Variants in ABTB3 observed in about 807,000 individuals in gnomAD.
The protein encoded by ABTB3 is ankyrin repeat- and BTB/POZ domain-containing protein 3.
the ABTB3 span, among the ~76,000 whole-genome samples, chr12:107,508,726 G>A: frequency 6.6e-6 from 1 of 152,010 alleles, no homozygotes; most frequent in Non-Finnish European, 1.5e-5. Flanking sequence ...GGGATTACAG[G>A]CGTGAGCCAC....
chr12:107,612,211 G>A, the ABTB3 span, among the ~76,000 whole-genome samples: 17 of 152,298 alleles, frequency 1.1e-4, no homozygotes, highest in African/African-American at 3.6e-4. Flanking sequence ...AGAAGCAAGA[G>A]TCATTGGTGC....
At chr12:107,465,832 G>A in the ABTB3 span, among the ~76,000 whole-genome samples, 7 of 152,044 alleles carry the variant, frequency 4.6e-5, no homozygotes, top group South Asian at 6.2e-4. Context: ...ACACAGTCGC[G>A]TGCTCTCTCT....
chr12:107,657,323 T>A, the ABTB3 span, among the ~76,000 whole-genome samples: 1 of 152,160 alleles, frequency 6.6e-6, no homozygotes, highest in Non-Finnish European at 1.5e-5. Flanking sequence ...AGTGGAGGAA[T>A]GGACTCTAAC....
chr12:107,503,146 G>A, the ABTB3 span, among the ~76,000 whole-genome samples: 1 of 152,134 alleles, frequency 6.6e-6, no homozygotes, highest in Non-Finnish European at 1.5e-5. Context: ...GGAAGGAACG[G>A]GTGAGGCAGA....
the ABTB3 span, among the ~76,000 whole-genome samples, chr12:107,621,019 G>A: frequency 1.3e-5 from 2 of 152,136 alleles, no homozygotes; most frequent in African/African-American, 4.8e-5. Flanking sequence ...GGGTCCCCCT[G>A]CCGGGCTGGG....
At chr12:107,541,081 A>T in the ABTB3 span, among the ~76,000 whole-genome samples, 1 of 152,226 alleles carries the variant, frequency 6.6e-6, no homozygotes, top group Admixed American at 6.5e-5. Flanking sequence ...GAGCTCTGTG[A>T]ACCTCATTCC....
the ABTB3 span, among the ~76,000 whole-genome samples, chr12:107,534,882 A>T: frequency 6.6e-6 from 1 of 152,098 alleles, no homozygotes; most frequent in African/African-American, 2.4e-5. Context: ...ATTAACACCA[A>T]TTTTTCTCGA....
At chr12:107,319,308 G>T in the ABTB3 span, 40 of 1,544,334 alleles carry the variant, frequency 2.6e-5, no homozygotes, top group East Asian at 8.8e-4. Flanking sequence ...GTCCCCGGCG[G>T]CCTGCCCAAG....
chr12:107,408,535 A>G, the ABTB3 span, among the ~76,000 whole-genome samples: 1 of 152,220 alleles, frequency 6.6e-6, no homozygotes, highest in Non-Finnish European at 1.5e-5. Flanking sequence ...GCTAACATTT[A>G]TTAAGCACTT....
the ABTB3 span, among the ~76,000 whole-genome samples, chr12:107,458,728 C>A: frequency 6.6e-6 from 1 of 152,136 alleles, no homozygotes; most frequent in Non-Finnish European, 1.5e-5. Flanking sequence ...CAAGGGAAAT[C>A]CAACAGGCTG....
the ABTB3 span, chr12:107,520,484 C>T: frequency 1.2e-6 from 2 of 1,613,422 alleles, no homozygotes; most frequent in Non-Finnish European, 1.7e-6. Context: ...CTTCTGACTG[C>T]AGGGGTGCTG....
At chr12:107,613,209 G>A in the ABTB3 span, among the ~76,000 whole-genome samples, 1 of 152,114 alleles carries the variant, frequency 6.6e-6, no homozygotes, top group Non-Finnish European at 1.5e-5. Flanking sequence ...TTTCTTCTAG[G>A]ATGGGGCAGA....
chr12:107,497,228 C>A, the ABTB3 span, among the ~76,000 whole-genome samples: 1 of 138,014 alleles, frequency 7.2e-6, no homozygotes, highest in Admixed American at 7.2e-5. Flanking sequence ...CCCACCTCTA[C>A]GCTCACCACC....
At chr12:107,436,336 A>G in the ABTB3 span, among the ~76,000 whole-genome samples, 111 of 152,302 alleles carry the variant, frequency 7.3e-4, no homozygotes, top group African/African-American at 2.5e-3. Context: ...GAATCAGGTG[A>G]CAGATGCCTA....
chr12:107,634,881 ATTTC>A, the ABTB3 span: 1 of 154,222 alleles, frequency 6.5e-6, no homozygotes, highest in African/African-American at 2.4e-5. Flanking sequence ...AAAAGGGCTA[ATTTC>A]AGGATAATTC....
the ABTB3 span, among the ~76,000 whole-genome samples, chr12:107,602,018 G>A: frequency 3.3e-5 from 5 of 152,146 alleles, no homozygotes; most frequent in Non-Finnish European, 5.9e-5. Context: ...GAGTTACACT[G>A]GAGTAAAACT....
At chr12:107,404,168 A>G in the ABTB3 span, among the ~76,000 whole-genome samples, 4 of 147,492 alleles carry the variant, frequency 2.7e-5, no homozygotes, top group African/African-American at 1.0e-4. Context: ...AACTCAAAAA[A>G]AAAAAAAAAA....
At chr12:107,494,184 A>T in the ABTB3 span, among the ~76,000 whole-genome samples, 1 of 152,208 alleles carries the variant, frequency 6.6e-6, no homozygotes, top group Non-Finnish European at 1.5e-5. Flanking sequence ...TGAAGAATTC[A>T]TATGAGCATT....
chr12:107,342,260 G>C, the ABTB3 span, among the ~76,000 whole-genome samples: 22 of 151,978 alleles, frequency 1.4e-4, no homozygotes, highest in Admixed American at 7.2e-4. Flanking sequence ...TTTTTGGGGG[G>C]AGGGGGTGGT....
Sources: gnomAD v4.1 joint callset for allele counts (sites outside exome capture counted in the v4.1 genomes callset) on GRCh38, gnomAD v4.1.1 for gene constraint, MANE v1.5 for transcripts, NCBI Gene and HGNC (gene_info 2026-07-23, HGNC 2026-07-21) for gene names.